The following VEPH1 variants were observed in gnomAD, a reference collection of about 807,000 sequenced individuals.
VEPH1 encodes the protein ventricular zone-expressed PH domain-containing protein homolog 1.
In VEPH1, 80 loss-of-function variants were observed where a neutral mutation model predicts 85.2. The observed-to-expected ratio is 0.94, with a 90% CI of 0.78 to 1.13. The LOEUF is 1.13. Ranked by LOEUF, VEPH1 falls within the 50% of genes most tolerant of loss-of-function variation. The probability of loss-of-function intolerance (pLI) is 0.00; values close to 1 mark genes in which losing one functional copy is unlikely to be tolerated. For missense variants in VEPH1, 955 were observed against 980.5 expected (o/e 0.97, Z 0.35); for synonymous variants, 297 against 348.0 (o/e 0.85, Z 1.63).
At chr3:157,311,564 A>G (rs1720115080) in intron 11 of VEPH1, among the ~76,000 whole-genome samples, 1 of 152,244 alleles carries the variant, frequency 6.6e-6, no homozygotes, top group Non-Finnish European at 1.5e-5. Context: ...TTACTCATGA[A>G]CAAACCAAAT....
chr3:157,364,490 C>T lies in VEPH1; in HGVS notation c.1150G>A (p.Glu384Lys). 1.2e-6 allele frequency: 2 copies of T among 1,613,820 alleles called. No individual in the cohort carries two copies. Among genetic ancestry groups the T allele is most frequent in the Non-Finnish European group, 1.7e-6 (2 of 1,179,902 alleles). ...GTTTCTTCCAGTTTCTCAGGGAATT[C>T]AATTTCAGTGCTGATTTTTCTCCTA... ...SGRRKISTEI[E>K]FPEKLEETKL... The change falls in exon 8 of 14, where the codon GAA (glutamate) becomes AAA (lysine). Residue 384 changes from glutamate to lysine, a missense_variant. Glu to Lys is a moderately conservative substitution (Grantham distance 56). Coordinates refer to ENST00000362010, the MANE Select transcript of VEPH1 (RefSeq NM_001167912.2).
At chr3:157,375,959 C>A (rs1312658074) in intron 7 of VEPH1, among the ~76,000 whole-genome samples, 2 of 152,196 alleles carry the variant, frequency 1.3e-5, no homozygotes, top group African/African-American at 4.8e-5. Flanking sequence ...ACACAAACAA[C>A]TTCTTTTTCC....
At chr3:157,437,365 C>A in intron 4 of VEPH1, 3 of 988,470 alleles carry the variant, frequency 3.0e-6, no homozygotes, top group Non-Finnish European at 4.5e-6. Context: ...GAGACATTTA[C>A]ATGCTGTTTT....
chr3:157,305,184 A>G (rs1719359222), intron 11 of VEPH1, among the ~76,000 whole-genome samples: 1 of 130,190 alleles, frequency 7.7e-6, no homozygotes, highest in African/African-American at 3.0e-5. Flanking sequence ...ATCTCGGCTC[A>G]CTGCAAGCTC....
chr3:157,313,246 C>T (rs893826475), intron 11 of VEPH1, among the ~76,000 whole-genome samples: 27 of 152,086 alleles, frequency 1.8e-4, no homozygotes, highest in Non-Finnish European at 3.2e-4. Flanking sequence ...GATGTTCAGG[C>T]TAATCTGGAA....
intron 5 of VEPH1, 142 bp from the exon 6 acceptor site, chr3:157,414,232 C>T: frequency 1.7e-6 from 1 of 597,734 alleles, no homozygotes; most frequent in Non-Finnish European, 2.9e-6. Flanking sequence ...CTCCTTGGTA[C>T]TCAGGCAAAT....
intron 4 of VEPH1, among the ~76,000 whole-genome samples, chr3:157,433,860 T>C (rs542797172): frequency 8.5e-5 from 13 of 152,346 alleles, no homozygotes; most frequent in Non-Finnish European, 1.5e-4. Flanking sequence ...CAGTACTCTA[T>C]ATACTTCATT....
intron 5 of VEPH1, among the ~76,000 whole-genome samples, chr3:157,416,700 C>T (rs1296835858): frequency 4.0e-5 from 6 of 151,454 alleles, no homozygotes; most frequent in South Asian, 2.1e-4. Flanking sequence ...TCCAGTGATA[C>T]GTCCCAAGCT....
intron 2 of VEPH1, among the ~76,000 whole-genome samples, chr3:157,473,814 TGA>T (rs1270374486): frequency 6.6e-6 from 1 of 152,148 alleles, no homozygotes; most frequent in Non-Finnish European, 1.5e-5. Flanking sequence ...TGCTATTTAT[TGA>T]GTTTATTTTT....
At chr3:157,305,075 T>TCTTC (rs1393296423) in intron 11 of VEPH1, among the ~76,000 whole-genome samples, 1 of 148,726 alleles carries the variant, frequency 6.7e-6, no homozygotes, top group East Asian at 2.0e-4. Flanking sequence ...TATCTTCCTA[T>TCTTC]CTCTCTATTT....
At chr3:157,466,093 A>C (rs1157660334) in intron 3 of VEPH1, among the ~76,000 whole-genome samples, 1 of 152,146 alleles carries the variant, frequency 6.6e-6, no homozygotes, top group Non-Finnish European at 1.5e-5. Flanking sequence ...CAATAATTAT[A>C]ATGTCCTTGA....
intron 10 of VEPH1, among the ~76,000 whole-genome samples, chr3:157,315,083 AAAT>A (rs1157744444): frequency 2.6e-5 from 4 of 152,078 alleles, no homozygotes; most frequent in Non-Finnish European, 4.4e-5. Flanking sequence ...ATGTATAATA[AAAT>A]AATGAGATTG....
At position 157,293,018 on chromosome 3, in the gene VEPH1, C is replaced by A. The variant is rs1405898043; in HGVS notation, c.2011-6344G>T. 2.6e-5 allele frequency among the ~76,000 whole-genome samples: 4 copies of A among 151,418 alleles called. No homozygotes were observed. In the East Asian group the frequency reaches 7.8e-4, roughly 29 times the overall value. On this transcript the variant is annotated intron_variant, in intron 11 of 13. Transcript: ENST00000362010. ...AAAAAAAGAAAAAAGAAAAAAGTTT[C>A]ATTTCATATGACAAAACAGGTAGAC... is the stretch of plus-strand genomic sequence containing the variant.
At chr3:157,417,703 C>T (rs1361299024) in intron 5 of VEPH1, among the ~76,000 whole-genome samples, 1 of 152,138 alleles carries the variant, frequency 6.6e-6, no homozygotes, top group Admixed American at 6.6e-5. Flanking sequence ...GATCTCAAAT[C>T]TCTACTTCTT....
chr3:157,433,488 A>G (rs1733322459), intron 4 of VEPH1, among the ~76,000 whole-genome samples: 1 of 152,146 alleles, frequency 6.6e-6, no homozygotes, highest in Admixed American at 6.5e-5. Context: ...TCTCCTTTAA[A>G]CTGTTAATGT....
intron 2 of VEPH1, among the ~76,000 whole-genome samples, chr3:157,481,662 G>A (rs1220679766): frequency 6.6e-6 from 1 of 152,058 alleles, no homozygotes; most frequent in African/African-American, 2.4e-5. Flanking sequence ...TGAGGACTTA[G>A]TCATAAATTC....
chr3:157,342,580 A>C (rs1455898439), intron 9 of VEPH1, among the ~76,000 whole-genome samples: 1 of 152,222 alleles, frequency 6.6e-6, no homozygotes, highest in Non-Finnish European at 1.5e-5. Context: ...TAATAATGGG[A>C]CACTTTAACA....
At chr3:157,355,158 T>C (rs1028425438) in intron 9 of VEPH1, among the ~76,000 whole-genome samples, 1 of 152,224 alleles carries the variant, frequency 6.6e-6, no homozygotes, top group African/African-American at 2.4e-5. Flanking sequence ...AGATTCCATG[T>C]GATAGGTTCT....
At chr3:157,486,896 G>C (rs1242968352) in intron 2 of VEPH1, among the ~76,000 whole-genome samples, 1 of 151,952 alleles carries the variant, frequency 6.6e-6, no homozygotes, top group Non-Finnish European at 1.5e-5. Flanking sequence ...AAAATTCTTG[G>C]GGAAATTAAA....
Sources: allele counts gnomAD v4.1 joint callset (sites outside exome capture counted in the v4.1 genomes callset), GRCh38; gene constraint gnomAD v4.1.1; transcripts MANE v1.5; gene names NCBI Gene and HGNC (gene_info 2026-07-23, HGNC 2026-07-21).